The following MYO5A variants were observed in gnomAD, a reference collection of about 807,000 sequenced individuals.
MYO5A encodes myosin VA.
In MYO5A, 98 loss-of-function variants were observed where a neutral mutation model predicts 249.7. The ratio of observed to expected loss-of-function variants is 0.39; its 90% CI spans 0.33 to 0.46. The LOEUF (loss-of-function observed/expected upper bound fraction) is 0.46, where lower values mean the gene tolerates loss of function less well. Among genes scored for constraint, MYO5A ranks in the 20% least tolerant of loss-of-function variants. The pLI, the probability that MYO5A is intolerant of heterozygous loss-of-function variation, is 0.98. For synonymous variants in MYO5A, 778 were observed against 810.6 expected (o/e 0.96, Z 0.68); for missense variants, 1,696 against 2,308.8 (o/e 0.73, Z 5.44).
intron 1 of MYO5A, among the ~76,000 whole-genome samples, chr15:52,477,994 T>A (rs1372367707): frequency 1.3e-5 from 2 of 152,248 alleles, no homozygotes; most frequent in African/African-American, 4.8e-5. Context: ...TGTTCAGCTA[T>A]GCCCTGCCCC....
rs2037683505 is a variant in MYO5A, at chr15:52,308,459, C to T, written c.*5237G>A. Reference sequence around the variant, plus strand: ...CAAAAAGTTTGAGTTATACCCTTTACCTTTAGTAACAAAAGGTTAGTAGAA... The same window carrying T: ...CAAAAAGTTTGAGTTATACCCTTTATCTTTAGTAACAAAAGGTTAGTAGAA... On this transcript the variant is annotated 3_prime_UTR_variant, in exon 42 of 42. Transcript: ENST00000399233. The T allele has an allele frequency of 6.6e-6, 1 of 152,186 alleles. No homozygotes were observed. The highest frequency in any genetic ancestry group is 6.5e-5 in the Admixed American group (1 of 15,282). 9.4% of individuals were successfully genotyped at this position (152,186 alleles called of 1,614,324 possible). A position where few individuals can be genotyped will look rare whatever the true frequency, so the allele number is the denominator to read the frequency against.
intron 35 of MYO5A, chr15:52,328,995 A>C (rs2038742302): frequency 6.6e-6 from 1 of 152,214 alleles, no homozygotes; most frequent in Non-Finnish European, 1.5e-5. Flanking sequence ...ACAAACCAGT[A>C]TACCTGCCTT....
intron 33 of MYO5A, among the ~76,000 whole-genome samples, chr15:52,337,566 C>G (rs2039175168): frequency 6.6e-6 from 1 of 152,230 alleles, no homozygotes; most frequent in Admixed American, 6.5e-5. Flanking sequence ...CGTGACCTTT[C>G]AAATCACATT....
intron 18 of MYO5A, among the ~76,000 whole-genome samples, chr15:52,377,725 T>C (rs12914548): frequency 0.94 from 143,254 of 151,822 alleles, 68,148 homozygotes; most frequent in East Asian, 1. Context: ...TAAACACCAC[T>C]ACGTCCAGCT....
intron 1 of MYO5A, among the ~76,000 whole-genome samples, chr15:52,459,916 C>G (rs2076207320): frequency 6.6e-6 from 1 of 151,948 alleles, no homozygotes; most frequent in South Asian, 2.1e-4. Flanking sequence ...CGGAGGGGCT[C>G]CTCACTTCTC....
At chr15:52,511,928 C>G (rs1384327671) in intron 1 of MYO5A, among the ~76,000 whole-genome samples, 1 of 152,100 alleles carries the variant, frequency 6.6e-6, no homozygotes, top group Non-Finnish European at 1.5e-5. Context: ...CTTTGGGAGA[C>G]AGAGGTGGGC....
chr15:52,497,174 C>G (rs1285568741), intron 1 of MYO5A, among the ~76,000 whole-genome samples: 1 of 152,074 alleles, frequency 6.6e-6, no homozygotes, highest in East Asian at 1.9e-4. Flanking sequence ...GTGGCCTAGG[C>G]TGGTCTCAAA....
At chr15:52,438,203 C>A (rs113224342) in intron 1 of MYO5A, 1 of 235,502 alleles carries the variant, frequency 4.2e-6, no homozygotes, top group Non-Finnish European at 6.6e-6. Context: ...CCTGCCTCCC[C>A]CAGGCCGCAA....
chr15:52,320,262 G>A (rs1401946685), intron 38 of MYO5A, among the ~76,000 whole-genome samples: 11 of 152,214 alleles, frequency 7.2e-5, no homozygotes, highest in Non-Finnish European at 1.5e-5. Flanking sequence ...CTCCCTGACA[G>A]CAAGCCCCTT....
chr15:52,368,973 T>C (rs571694620), intron 22 of MYO5A, among the ~76,000 whole-genome samples: 55 of 152,268 alleles, frequency 3.6e-4, no homozygotes, highest in African/African-American at 1.3e-3. Context: ...AGAAAAGAGA[T>C]CTTAAACATT....
rs200917012 is a variant in MYO5A at position 52,381,944 on chromosome 15, G to A, written c.2012+1147C>T. Among the ~76,000 whole-genome samples, 12 of 152,142 alleles carry A rather than the reference G, an allele frequency of 7.9e-5. No individual in the cohort carries two copies. The East Asian group carries it at 2.1e-3, about 27-fold the overall frequency. On this transcript the variant is annotated intron_variant, in intron 16 of 41. Transcript: ENST00000399233. ...TGAGACGAAGTCTCACTCTTGTCCCGCAGGCTAGAGTGCAGTGGAGTGATC... is the reference window on the plus strand; with the variant it reads ...TGAGACGAAGTCTCACTCTTGTCCCACAGGCTAGAGTGCAGTGGAGTGATC...
rs3985806 is a variant in MYO5A at position 52,367,870 on chromosome 15, A to AACACACACACACAC, written c.3067-760_3067-747dup. On this transcript the variant is annotated intron_variant, in intron 22 of 41. Coordinates refer to ENST00000399233, the MANE Select transcript of MYO5A (RefSeq NM_001382347.1). ...AAATTTTATGTCATGTATATTTTAA[A>AACACACACACACAC]ACACACACACACACACACACACACA... is the stretch of plus-strand genomic sequence containing the variant. 2.7e-3 allele frequency among the ~76,000 whole-genome samples: 381 copies of AACACACACACACAC among 141,870 alleles called. 3 individuals carry two copies. The highest frequency in any genetic ancestry group is 9.4e-3 in the African/African-American group (351 of 37,540). 93.1% of individuals were successfully genotyped at this position (141,870 alleles called of 152,430 possible).
intron 12 of MYO5A, 76 bp from the exon 13 acceptor site, chr15:52,389,439 ATCTTTTATT>A: frequency 7.0e-7 from 1 of 1,427,642 alleles, no homozygotes; most frequent in Non-Finnish European, 9.5e-7. Flanking sequence ...CTGTCAAAAG[ATCTTTTATT>A]TTTTTTTTTT....
At chr15:52,463,464 TTTC>T (rs1314608961) in intron 1 of MYO5A, among the ~76,000 whole-genome samples, 2 of 152,182 alleles carry the variant, frequency 1.3e-5, no homozygotes, top group Admixed American at 6.5e-5. Context: ...CTAAAATTGC[TTTC>T]TTTTTTTATT....
chr15:52,462,848 A>AG (rs1239011697), intron 1 of MYO5A, among the ~76,000 whole-genome samples: 1 of 91,556 alleles, frequency 1.1e-5, no homozygotes, highest in Non-Finnish European at 2.6e-5. Context: ...TCCGTCTTGG[A>AG]AAAAAAAAAA....
chr15:52,378,326 G>T lies in MYO5A; in HGVS notation c.2208+1299C>A, dbSNP rs909812792. 2.6e-5 allele frequency among the ~76,000 whole-genome samples: 4 copies of T among 151,850 alleles called. No homozygotes were observed. In the South Asian group the frequency reaches 6.3e-4, roughly 24 times the overall value. ...TCACGAGGTCAGGAGTTCAAGACCA[G>T]CCTGGCCAACATGGTAAAACCCTGT... On this transcript the variant is annotated intron_variant, in intron 18 of 41. Coordinates refer to ENST00000399233, the MANE Select transcript of MYO5A (RefSeq NM_001382347.1).
chr15:52,458,581 T>C (rs1185876909), intron 1 of MYO5A, among the ~76,000 whole-genome samples: 3 of 151,568 alleles, frequency 2.0e-5, no homozygotes, highest in African/African-American at 4.9e-5. Flanking sequence ...GTTTGCACCA[T>C]TGCACTCCAG....
At chr15:52,470,900 G>C (rs933536254) in intron 1 of MYO5A, among the ~76,000 whole-genome samples, 4 of 151,836 alleles carry the variant, frequency 2.6e-5, no homozygotes, top group African/African-American at 9.7e-5. Context: ...ACAGGCGCCT[G>C]TAGTCCCAGC....
chr15:52,372,474 G>T, intron 20 of MYO5A, 111 bp from the exon 21 acceptor site: 1 of 1,409,502 alleles, frequency 7.1e-7, no homozygotes, highest in Non-Finnish European at 9.7e-7. Flanking sequence ...AGACATAAAA[G>T]TTGAATTGAC....
Sources: gnomAD v4.1 joint callset for allele counts (sites outside exome capture counted in the v4.1 genomes callset) on GRCh38, gnomAD v4.1.1 for gene constraint, MANE v1.5 for transcripts, NCBI Gene and HGNC (gene_info 2026-07-23, HGNC 2026-07-21) for gene names.